The following ANKRD36C variants were observed in gnomAD, a reference collection of about 807,000 sequenced individuals.
ANKRD36C encodes ankyrin repeat domain-containing protein 36C.
ANKRD36C carries 61 observed loss-of-function variants against 276.4 expected under a neutral mutation model. The ratio of observed to expected loss-of-function variants is 0.22; its 90% CI spans 0.18 to 0.27. The LOEUF (loss-of-function observed/expected upper bound fraction) is 0.27. Ranked by LOEUF, ANKRD36C falls within the 10% of genes least tolerant of loss-of-function variation. The probability of loss-of-function intolerance (pLI) is 1.00; values close to 1 mark genes in which losing one functional copy is unlikely to be tolerated. For missense variants in ANKRD36C, 1,447 were observed against 2,032.3 expected (o/e 0.71, Z 5.54); for synonymous variants, 483 against 680.1 (o/e 0.71, Z 4.51).
intron 24 of ANKRD36C, 124 bp from the exon 25 acceptor site, chr2:95,929,391 G>A: frequency 4.5e-6 from 3 of 671,612 alleles, no homozygotes; most frequent in Non-Finnish European, 7.5e-6. Context: ...TGTAGGCTTT[G>A]ATATTTTATA....
At chr2:95,959,647 G>A (rs1461717440) in intron 10 of ANKRD36C, among the ~76,000 whole-genome samples, 1 of 151,934 alleles carries the variant, frequency 6.6e-6, no homozygotes, top group Non-Finnish European at 1.5e-5. Flanking sequence ...AAAATAGTCT[G>A]GTTTGAAGGA....
intron 34 of ANKRD36C, among the ~76,000 whole-genome samples, chr2:95,920,880 G>C (rs567591540): frequency 2.7e-5 from 4 of 149,656 alleles, no homozygotes; most frequent in African/African-American, 1.0e-4. Context: ...TCATATTCAA[G>C]TTTATCTCAT....
At chr2:95,925,581 T>C (rs779497165) in intron 28 of ANKRD36C, 34 bp from the exon 29 acceptor site, 13 of 1,527,486 alleles carry the variant, frequency 8.5e-6, no homozygotes, top group African/African-American at 1.4e-5. Flanking sequence ...ATTCATCATA[T>C]GTAAATATGA....
intron 44 of ANKRD36C, 72 bp from the exon 63 acceptor site, chr2:95,893,796 T>A (rs1391465698): frequency 1.0e-5 from 16 of 1,597,916 alleles, no homozygotes; most frequent in East Asian, 2.3e-5. Flanking sequence ...TCATGCAGAG[T>A]TAGCATCAAA....
At chr2:95,934,154 G>A (rs903999177) in intron 24 of ANKRD36C, among the ~76,000 whole-genome samples, 2 of 152,160 alleles carry the variant, frequency 1.3e-5, no homozygotes, top group Admixed American at 6.5e-5. Context: ...TATTGTTGGT[G>A]GGAGTGTCAA....
intron 40 of ANKRD36C, among the ~76,000 whole-genome samples, chr2:95,913,388 T>A (rs1451903240): frequency 2.0e-5 from 3 of 151,412 alleles, no homozygotes; most frequent in Non-Finnish European, 4.4e-5. Flanking sequence ...TTATTCATAT[T>A]CAAGATTATC....
intron 32 of ANKRD36C, 82 bp downstream of exon 32, chr2:95,923,413 G>T: frequency 6.6e-7 from 1 of 1,523,272 alleles, no homozygotes; most frequent in Non-Finnish European, 8.9e-7. Flanking sequence ...GCTTTGATGA[G>T]CCCCCCGCTG....
At chr2:95,891,670 C>T (rs1388003107) in exon 46 of ANKRD36C, 18 of 1,558,854 alleles carry the variant, frequency 1.2e-5, no homozygotes, top group Admixed American at 5.7e-5. Flanking sequence ...ATTACCTCTC[C>T]TAGTTTTTTC....
Position 95,983,584 on chromosome 2 carries a change from CATTTATTTATTT to C in ANKRD36C, c.487-1234_487-1223del, listed in dbSNP as rs201816275. On this transcript the variant is annotated intron_variant, in intron 3 of 66. Coordinates refer to ENST00000456556, the Ensembl canonical transcript of ANKRD36C. ...GTGAAAGCCACTAAATTATTTGCAT[CATTTATTTATTT>C]ATTTATTTATTTATTTATTTATTTA... 2.9e-3 allele frequency among the ~76,000 whole-genome samples: 424 copies of C among 148,756 alleles called. 1 individual carries two copies. The highest frequency in any genetic ancestry group is 0.023 in the South Asian group (109 of 4,664).
chr2:95,880,676 A>G, intron 56 of ANKRD36C, 53 bp from the exon 77 acceptor site: 1 of 1,516,524 alleles, frequency 6.6e-7, no homozygotes, highest in Non-Finnish European at 8.9e-7. Flanking sequence ...GGTAAGGCCA[A>G]CCATACATTT....
intron 58 of ANKRD36C, among the ~76,000 whole-genome samples, chr2:95,880,199 C>T (rs1008329854): frequency 7.9e-5 from 12 of 151,548 alleles, no homozygotes; most frequent in Non-Finnish European, 1.6e-4. Flanking sequence ...AAAAACAAAA[C>T]AAAACAAAAA....
At chr2:95,920,010 C>T in intron 34 of ANKRD36C, 90 bp from the exon 35 acceptor site, 1 of 1,391,388 alleles carries the variant, frequency 7.2e-7, no homozygotes, top group Non-Finnish European at 9.6e-7. Flanking sequence ...AAGCTGTATC[C>T]TTCTGCCTGT....
chr2:95,936,675 C>T (rs372016419), intron 22 of ANKRD36C, among the ~76,000 whole-genome samples: 979 of 135,310 alleles, frequency 7.2e-3, no homozygotes, highest in African/African-American at 0.014. Context: ...TCTTTATTTA[C>T]ACCATCCCAC....
chr2:95,910,798 T>C (rs1375057648), intron 42 of ANKRD36C, among the ~76,000 whole-genome samples: 2 of 151,378 alleles, frequency 1.3e-5, no homozygotes, highest in African/African-American at 4.8e-5. Flanking sequence ...CGATTTCTCA[T>C]ATGTCTAAAA....
intron 44 of ANKRD36C, among the ~76,000 whole-genome samples, chr2:95,896,625 C>A (rs1676559477): frequency 6.9e-6 from 1 of 144,362 alleles, no homozygotes; most frequent in Non-Finnish European, 1.5e-5. Context: ...AGTAATGAGT[C>A]AGTGTGGTGG....
intron 6 of ANKRD36C, among the ~76,000 whole-genome samples, chr2:95,967,078 T>A (rs1678607031): frequency 6.6e-6 from 1 of 152,204 alleles, no homozygotes; most frequent in African/African-American, 2.4e-5. Context: ...GTTTTCTAAA[T>A]ATACCATCAT....
chr2:95,913,600 A>T (rs1676998952), intron 40 of ANKRD36C, among the ~76,000 whole-genome samples: 2 of 151,446 alleles, frequency 1.3e-5, no homozygotes, highest in East Asian at 3.9e-4. Context: ...TCCTCAGCAG[A>T]AACCCCAAAA....
intron 1 of ANKRD36C, among the ~76,000 whole-genome samples, chr2:95,987,834 T>G (rs1474602713): frequency 6.6e-6 from 1 of 152,062 alleles, no homozygotes; most frequent in Non-Finnish European, 1.5e-5. Flanking sequence ...CAATCATATC[T>G]ACATTGAGGT....
At chr2:95,916,631 A>T (rs960082121) in intron 36 of ANKRD36C, among the ~76,000 whole-genome samples, 1 of 151,642 alleles carries the variant, frequency 6.6e-6, no homozygotes, top group African/African-American at 2.4e-5. Context: ...GAAGGCACAC[A>T]ATTCCGATGA....
Sources: allele counts gnomAD v4.1 joint callset (sites outside exome capture counted in the v4.1 genomes callset), GRCh38; gene constraint gnomAD v4.1.1; transcripts MANE v1.5; gene names NCBI Gene and HGNC (gene_info 2026-07-23, HGNC 2026-07-21).